NXPH1: variants seen among roughly 807,000 people sequenced by gnomAD.
The protein encoded by NXPH1 is neurexophilin 1, also known as neurexophilin-1.
Under a neutral mutation model 23.7 loss-of-function variants are expected in NXPH1, and 5 were observed. The ratio of observed to expected loss-of-function variants is 0.21; its 90% CI spans 0.11 to 0.44. NXPH1 has a LOEUF of 0.44. Ranked by LOEUF, NXPH1 falls within the 20% of genes least tolerant of loss-of-function variation. The pLI, the probability that NXPH1 is intolerant of heterozygous loss-of-function variation, is 0.99. For synonymous variants in NXPH1, 144 were observed against 122.2 expected (o/e 1.18, Z -1.18); for missense variants, 324 against 321.6 (o/e 1.01, Z -0.06).
intron 2 of NXPH1, among the ~76,000 whole-genome samples, chr7:8,697,098 C>T (rs1165787774): frequency 7.1e-6 from 1 of 139,958 alleles, no homozygotes; most frequent in African/African-American, 2.7e-5. Flanking sequence ...GCAGAGTTTG[C>T]AGTGAGCTGA....
At chr7:8,596,487 T>A (rs1819227533) in intron 2 of NXPH1, among the ~76,000 whole-genome samples, 1 of 152,110 alleles carries the variant, frequency 6.6e-6, no homozygotes. Flanking sequence ...ACTTTACTAT[T>A]ATATCTTAAG....
intron 2 of NXPH1, among the ~76,000 whole-genome samples, chr7:8,735,607 TTG>T (rs936284252): frequency 7.0e-4 from 106 of 152,174 alleles, no homozygotes; most frequent in African/African-American, 2.1e-3. Context: ...TCATTTTTTG[TTG>T]TGTCTCTGCC....
chr7:8,687,226 T>C (rs1034966732), intron 2 of NXPH1, among the ~76,000 whole-genome samples: 2 of 152,054 alleles, frequency 1.3e-5, no homozygotes, highest in African/African-American at 4.8e-5. Flanking sequence ...TTGGGATCAT[T>C]AGACTAAGTT....
rs1167446369 is a variant in NXPH1, at chr7:8,752,319, A to AT, written c.*552dup. On this transcript the variant is annotated 3_prime_UTR_variant, in exon 3 of 3. Transcript: ENST00000405863. ...GAAAAATGTGTCTTTAGAGCTCAGT[A>AT]TTCTTTATTTTACAAACACAACAAA... 6.5e-6 allele frequency: 1 copy of AT among 153,436 alleles called. No individual in the cohort carries two copies. Among genetic ancestry groups the AT allele is most frequent in the Non-Finnish European group, 1.5e-5 (1 of 68,564 alleles). 9.5% of individuals were successfully genotyped at this position (153,436 alleles called of 1,614,324 possible).
intron 2 of NXPH1, among the ~76,000 whole-genome samples, chr7:8,507,638 T>C (rs984638809): frequency 4.6e-5 from 7 of 152,120 alleles, no homozygotes; most frequent in East Asian, 1.9e-4. Flanking sequence ...AGTTTATTGA[T>C]TGAAGCTGAA....
intron 2 of NXPH1, among the ~76,000 whole-genome samples, chr7:8,555,287 T>C (rs781119777): frequency 6.6e-6 from 1 of 151,706 alleles, no homozygotes; most frequent in Non-Finnish European, 1.5e-5. Flanking sequence ...GCAGCTTTTA[T>C]TGATATGGTC....
chr7:8,586,714 T>C (rs1172134720), intron 2 of NXPH1, among the ~76,000 whole-genome samples: 1 of 151,974 alleles, frequency 6.6e-6, no homozygotes, highest in Non-Finnish European at 1.5e-5. Context: ...AGGATAAAAG[T>C]AGTGATTTTC....
chr7:8,625,603 T>C (rs912370409), intron 2 of NXPH1, among the ~76,000 whole-genome samples: 8 of 152,148 alleles, frequency 5.3e-5, no homozygotes, highest in African/African-American at 1.9e-4. Context: ...AAGAGGATAG[T>C]GTTCCATTAG....
rs1390400630 is a variant in NXPH1, at chr7:8,433,763, C to T, written c.-1103C>T. ...CGCCCTTCCCCGCCCTACGCGACTC[C>T]CGGCTGCTCTTCCCGCCACTCCCCT... is the stretch of plus-strand genomic sequence containing the variant. On this transcript the variant is annotated 5_prime_UTR_variant, in exon 1 of 3. Transcript: ENST00000405863. The surrounding 1 kb of genome is among the most constrained non-coding windows in gnomAD (Gnocchi z 6.8). 1.3e-5 allele frequency among the ~76,000 whole-genome samples: 2 copies of T among 152,026 alleles called. No individual in the cohort carries two copies. Among genetic ancestry groups the T allele is most frequent in the Non-Finnish European group, 2.9e-5 (2 of 67,936 alleles).
chr7:8,520,186 G>A (rs1290281571), intron 2 of NXPH1, among the ~76,000 whole-genome samples: 1 of 152,124 alleles, frequency 6.6e-6, no homozygotes, highest in Non-Finnish European at 1.5e-5. Context: ...ACCTGGATTA[G>A]GCACTCAGAA....
At chr7:8,739,200 A>C (rs867224517) in intron 2 of NXPH1, among the ~76,000 whole-genome samples, 6 of 147,864 alleles carry the variant, frequency 4.1e-5, no homozygotes, top group South Asian at 2.1e-4. Flanking sequence ...AAAAAAAAAA[A>C]AAAACCCTGC....
chr7:8,751,743 G>T lies in NXPH1; in HGVS notation c.790G>T (p.Asp264Tyr). Reference sequence around the variant, plus strand: ...GTGCCCTGACTACAACTACCACAGTGACACACCTTACTTTCCCTCGGGATG... The same window carrying T: ...GTGCCCTGACTACAACTACCACAGTTACACACCTTACTTTCCCTCGGGATG... ...KVCPDYNYHS[D>Y]TPYFPSG is the part of the protein sequence containing the mutation. Residue 264 changes from aspartate to tyrosine, a missense_variant, in exon 3 of 3, where the codon GAC becomes TAC. Coordinates refer to ENST00000405863, the MANE Select transcript of NXPH1 (RefSeq NM_152745.3). The surrounding 1 kb of genome is among the most constrained non-coding windows in gnomAD (Gnocchi z 4.5). 1 of 1,611,426 alleles carries T rather than the reference G, an allele frequency of 6.2e-7. No individual in the cohort carries two copies. The highest frequency in any genetic ancestry group is 1.1e-5 in the South Asian group (1 of 90,846).
intron 2 of NXPH1, among the ~76,000 whole-genome samples, chr7:8,648,992 T>C (rs867662041): frequency 0.018 from 280 of 15,334 alleles, no homozygotes; most frequent in African/African-American, 0.033. Flanking sequence ...AAAATCTGCT[T>C]TTTTTTTTTA....
chr7:8,658,927 CTTAATAT>C, intron 2 of NXPH1, among the ~76,000 whole-genome samples: 1 of 151,672 alleles, frequency 6.6e-6, no homozygotes, highest in Middle Eastern at 3.4e-3. Context: ...TATCTGATAA[CTTAATAT>C]TTAAATGCTG....
At chr7:8,713,677 T>C (rs1779831616) in intron 2 of NXPH1, among the ~76,000 whole-genome samples, 1 of 152,176 alleles carries the variant, frequency 6.6e-6, no homozygotes, top group Non-Finnish European at 1.5e-5. Flanking sequence ...CATTAGGGAG[T>C]ACCCCAAGTG....
intron 2 of NXPH1, among the ~76,000 whole-genome samples, chr7:8,697,227 T>C (rs946519083): frequency 1.3e-5 from 2 of 151,208 alleles, no homozygotes; most frequent in African/African-American, 4.9e-5. Flanking sequence ...CCTTGTAGAC[T>C]GTGGTGCCAA....
chr7:8,533,149 C>T (rs192876304), intron 2 of NXPH1, among the ~76,000 whole-genome samples: 31 of 152,232 alleles, frequency 2.0e-4, no homozygotes, highest in Admixed American at 1.1e-3. Context: ...AGAGCAAAGA[C>T]GAGAATCCAA....
chr7:8,696,973 C>A (rs1295639094), intron 2 of NXPH1, among the ~76,000 whole-genome samples: 1 of 144,804 alleles, frequency 6.9e-6, no homozygotes, highest in African/African-American at 2.4e-5. Context: ...GTCTGGTCAA[C>A]ATGGCAAAAC....
intron 2 of NXPH1, among the ~76,000 whole-genome samples, chr7:8,672,485 A>T (rs189566649): frequency 1.3e-3 from 200 of 151,842 alleles, no homozygotes; most frequent in Non-Finnish European, 2.4e-3. Flanking sequence ...AAAAAAGATT[A>T]AAAAAACCAT....
Sources: allele counts gnomAD v4.1 joint callset (sites outside exome capture counted in the v4.1 genomes callset), GRCh38; gene constraint gnomAD v4.1.1; non-coding constraint Gnocchi (gnomAD v3.1); transcripts MANE v1.5; gene names NCBI Gene and HGNC (gene_info 2026-07-23, HGNC 2026-07-21).